Variants in TEAD1 observed in about 807,000 individuals in gnomAD.
The protein encoded by TEAD1 is transcriptional enhancer factor TEF-1.
TEAD1 carries 9 observed loss-of-function variants against 54.9 expected under a neutral mutation model. That is an observed-to-expected ratio of 0.16 (90% confidence interval 0.10 to 0.29). The LOEUF (loss-of-function observed/expected upper bound fraction) is 0.29, where lower values mean the gene tolerates loss of function less well. TEAD1 is among the 10% of genes least tolerant of loss of function. The pLI is 1.00. For missense variants in TEAD1, 387 were observed against 535.9 expected (o/e 0.72, Z 2.74); for synonymous variants, 200 against 187.8 (o/e 1.07, Z -0.53).
intron 10 of TEAD1, among the ~76,000 whole-genome samples, chr11:12,924,306 ATAGT>A (rs1948868199): frequency 6.6e-6 from 1 of 152,188 alleles, no homozygotes; most frequent in Non-Finnish European, 1.5e-5. Context: ...TATCTGAATG[ATAGT>A]TATTTTATGT....
At chr11:12,801,945 T>TA (rs1946068446) in intron 3 of TEAD1, among the ~76,000 whole-genome samples, 2 of 152,180 alleles carry the variant, frequency 1.3e-5, no homozygotes, top group Admixed American at 1.3e-4. Flanking sequence ...TTAATGTAGA[T>TA]ATGTTTAATA....
At position 12,944,236 on chromosome 11, in the gene TEAD1, G is replaced by C. The variant is rs1451840849; in HGVS notation, c.*7014G>C. ...CCTCTTGGGTAGATTGGAGAGATGGGGGTGGGCGTGGGCAAATTCTCACAC... is the reference window on the plus strand; with the variant it reads ...CCTCTTGGGTAGATTGGAGAGATGGCGGTGGGCGTGGGCAAATTCTCACAC... On this transcript the variant is annotated 3_prime_UTR_variant, in exon 13 of 13. Coordinates refer to ENST00000527636, the MANE Select transcript of TEAD1 (RefSeq NM_021961.6). The C allele has an allele frequency of 7.9e-5, 12 of 152,532 alleles. No individual in the cohort carries two copies. The highest frequency in any genetic ancestry group is 2.9e-4 in the African/African-American group (12 of 41,422). 9.4% of individuals were successfully genotyped at this position (152,532 alleles called of 1,614,324 possible).
At chr11:12,837,659 C>T (rs1946922208) in intron 3 of TEAD1, among the ~76,000 whole-genome samples, 1 of 135,972 alleles carries the variant, frequency 7.4e-6, no homozygotes, top group Non-Finnish European at 1.6e-5. Context: ...CTCTTTCTCT[C>T]CTTCTTCTTC....
intron 12 of TEAD1, among the ~76,000 whole-genome samples, chr11:12,930,980 G>T (rs965754718): frequency 6.6e-6 from 1 of 152,196 alleles, no homozygotes; most frequent in Non-Finnish European, 1.5e-5. Flanking sequence ...AAAAAATCTG[G>T]CTAGGCTGAG....
chr11:12,796,684 C>G (rs1945933210), intron 3 of TEAD1, among the ~76,000 whole-genome samples: 1 of 151,636 alleles, frequency 6.6e-6, no homozygotes, highest in South Asian at 2.1e-4. Context: ...CATGATCGCA[C>G]CACTGCACTG....
chr11:12,733,498 C>T (rs1277966924), intron 2 of TEAD1, among the ~76,000 whole-genome samples: 1 of 152,186 alleles, frequency 6.6e-6, no homozygotes. Flanking sequence ...ACACCTAGAG[C>T]TCTGTCCCAG....
At chr11:12,693,144 A>T (rs1590057731) in intron 2 of TEAD1, among the ~76,000 whole-genome samples, 1 of 152,238 alleles carries the variant, frequency 6.6e-6, no homozygotes, top group East Asian at 1.9e-4. Flanking sequence ...CATGGAAAGC[A>T]GCCAGAGGTG....
chr11:12,838,228 G>A (rs138536386), intron 3 of TEAD1, among the ~76,000 whole-genome samples: 3 of 152,296 alleles, frequency 2.0e-5, no homozygotes, highest in African/African-American at 7.2e-5. Context: ...AATACACTCA[G>A]GAGAAATGTG....
chr11:12,675,721 T>C (rs1025530416), intron 2 of TEAD1, among the ~76,000 whole-genome samples, 160 bp downstream of exon 2: 3 of 152,248 alleles, frequency 2.0e-5, no homozygotes, highest in Non-Finnish European at 2.9e-5. Flanking sequence ...GTGACTTTTC[T>C]TCTTTTTAAA....
At chr11:12,876,457 T>C (rs1947856227) in intron 5 of TEAD1, among the ~76,000 whole-genome samples, 1 of 152,170 alleles carries the variant, frequency 6.6e-6, no homozygotes, top group South Asian at 2.1e-4. Context: ...GAAGTGCCTC[T>C]GTCTGCAGAA....
At chr11:12,758,405 GTTTTTTTTTTTT>G (rs1200374096) in intron 2 of TEAD1, among the ~76,000 whole-genome samples, 4 of 85,728 alleles carry the variant, frequency 4.7e-5, no homozygotes, top group Non-Finnish European at 6.7e-5. Context: ...CGCCCAGCTA[GTTTTTTTTTTTT>G]TTTTTTTTTT....
In TEAD1 at chr11:12,880,438, A is replaced by G. The variant is rs1050365081; in HGVS notation, c.466-567A>G. On this transcript the variant is annotated intron_variant, in intron 6 of 12. Coordinates refer to ENST00000527636, the MANE Select transcript of TEAD1 (RefSeq NM_021961.6). ...TGGGATCATAGTGGAATGGATAGTGATGTCAAGAATCAGCCCCAGGGTTGC... is the reference window on the plus strand; with the variant it reads ...TGGGATCATAGTGGAATGGATAGTGGTGTCAAGAATCAGCCCCAGGGTTGC... 5.3e-5 allele frequency among the ~76,000 whole-genome samples: 8 copies of G among 152,192 alleles called. No homozygotes were observed. In the East Asian group the frequency reaches 1.6e-3, roughly 30 times the overall value.
At chr11:12,698,211 C>T (rs966888726) in intron 2 of TEAD1, among the ~76,000 whole-genome samples, 5 of 152,040 alleles carry the variant, frequency 3.3e-5, no homozygotes, top group Non-Finnish European at 7.4e-5. Flanking sequence ...AGTGAGGAAG[C>T]GGGGACCGGG....
intron 2 of TEAD1, among the ~76,000 whole-genome samples, chr11:12,697,666 T>C (rs1180850011): frequency 6.6e-6 from 1 of 152,132 alleles, no homozygotes; most frequent in African/African-American, 2.4e-5. Context: ...GAAGTGGAAA[T>C]ATGGAAACTC....
chr11:12,688,463 T>C (rs767972750), intron 2 of TEAD1, among the ~76,000 whole-genome samples: 1 of 152,226 alleles, frequency 6.6e-6, no homozygotes, highest in Non-Finnish European at 1.5e-5. Context: ...TTTAGGACTC[T>C]GTGCTCATGA....
intron 2 of TEAD1, among the ~76,000 whole-genome samples, chr11:12,723,147 G>T (rs928684287): frequency 1.3e-5 from 2 of 152,084 alleles, no homozygotes; most frequent in African/African-American, 2.4e-5. Flanking sequence ...TTCCAAAAGG[G>T]TTGTACCAGT....
At chr11:12,721,547 G>T (rs1473509761) in intron 2 of TEAD1, among the ~76,000 whole-genome samples, 1 of 152,140 alleles carries the variant, frequency 6.6e-6, no homozygotes, top group Non-Finnish European at 1.5e-5. Context: ...TATATAGTTG[G>T]ATGTAGATAC....
At chr11:12,698,130 A>G (rs1007319127) in intron 2 of TEAD1, among the ~76,000 whole-genome samples, 3 of 152,072 alleles carry the variant, frequency 2.0e-5, no homozygotes, top group East Asian at 1.9e-4. Flanking sequence ...ACATGTTCAT[A>G]TGATGCTTTA....
At chr11:12,876,397 G>A (rs186300262) in intron 5 of TEAD1, among the ~76,000 whole-genome samples, 1 of 152,248 alleles carries the variant, frequency 6.6e-6, no homozygotes, top group East Asian at 1.9e-4. Flanking sequence ...TAGAATTCAT[G>A]AGTCACCCCA....
Sources: allele counts gnomAD v4.1 joint callset (sites outside exome capture counted in the v4.1 genomes callset), GRCh38; gene constraint gnomAD v4.1.1; transcripts MANE v1.5; gene names NCBI Gene and HGNC (gene_info 2026-07-23, HGNC 2026-07-21).